The following KLRG1 variants were observed in gnomAD, a reference collection of about 807,000 sequenced individuals.
KLRG1 encodes the protein killer cell lectin-like receptor subfamily G member 1.
In KLRG1, 16 loss-of-function variants were observed where a neutral mutation model predicts 21.8. The observed-to-expected ratio is 0.73, with a 90% CI of 0.50 to 1.11. KLRG1 has a LOEUF of 1.11. KLRG1 is among the 50% of genes most tolerant of loss of function. The probability of loss-of-function intolerance (pLI) is 0.00; values close to 1 mark genes in which losing one functional copy is unlikely to be tolerated. For synonymous variants in KLRG1, 69 were observed against 75.9 expected (o/e 0.91, Z 0.47); for missense variants, 173 against 218.3 (o/e 0.79, Z 1.31).
the KLRG1 span, chr12:9,099,540 A>G: frequency 6.2e-7 from 1 of 1,601,588 alleles, no homozygotes; most frequent in South Asian, 1.1e-5. Context: ...CACAAAGAGA[A>G]TGAGAGGAAG....
chr12:9,112,129 A>G, the KLRG1 span: 10 of 1,610,960 alleles, frequency 6.2e-6, no homozygotes, highest in Admixed American at 5.0e-5. Context: ...TATACAGACA[A>G]TCATTTTATG....
At chr12:9,067,568 C>G in the KLRG1 span, 1 of 547,868 alleles carries the variant, frequency 1.8e-6, no homozygotes, top group South Asian at 1.9e-5. Flanking sequence ...GAAGCCTACT[C>G]AGACCGACAT....
chr12:9,193,490 T>C, the KLRG1 span, among the ~76,000 whole-genome samples: 1 of 151,968 alleles, frequency 6.6e-6, no homozygotes, highest in African/African-American at 2.4e-5. Flanking sequence ...AGTCACCTTT[T>C]AAATCCTAGG....
chr12:9,078,242 C>G, the KLRG1 span, among the ~76,000 whole-genome samples: 3 of 151,330 alleles, frequency 2.0e-5, no homozygotes, highest in Non-Finnish European at 4.4e-5. Flanking sequence ...GTCCCTGTGT[C>G]CGTGTGTTCT....
At chr12:8,998,155 C>G (rs1383662253) in intron 3 of KLRG1, among the ~76,000 whole-genome samples, 1 of 152,028 alleles carries the variant, frequency 6.6e-6, no homozygotes, top group Middle Eastern at 3.4e-3. Flanking sequence ...ATGGTGAAAC[C>G]CCATCTCTGC....
chr12:9,108,456 T>C, the KLRG1 span, among the ~76,000 whole-genome samples: 1 of 152,174 alleles, frequency 6.6e-6, no homozygotes, highest in Non-Finnish European at 1.5e-5. Context: ...TGGGATTGTG[T>C]CGTAAATATG....
chr12:9,102,952 C>G, the KLRG1 span, among the ~76,000 whole-genome samples: 2 of 152,112 alleles, frequency 1.3e-5, no homozygotes, highest in Admixed American at 1.3e-4. Flanking sequence ...TTTTCCATTA[C>G]CATGATTATG....
At chr12:9,202,444 C>T in the KLRG1 span, 20 of 1,611,912 alleles carry the variant, frequency 1.2e-5, no homozygotes, top group Middle Eastern at 1.7e-4. Flanking sequence ...CAGGAGGCTA[C>T]GGGGCTAGGA....
the KLRG1 span, chr12:9,192,676 C>T: frequency 8.5e-5 from 137 of 1,613,966 alleles, 1 homozygote; most frequent in Non-Finnish European, 1.1e-4. Context: ...GTGTGCTGAG[C>T]ACCCTGGTGG....
the KLRG1 span, chr12:9,072,921 G>T: frequency 6.8e-7 from 1 of 1,480,676 alleles, no homozygotes; most frequent in Non-Finnish European, 9.3e-7. Flanking sequence ...ATAAGGCTTT[G>T]AGGGCTGAGA....
chr12:9,079,868 AAAGTC>A, the KLRG1 span: 8 of 1,437,678 alleles, frequency 5.6e-6, no homozygotes, highest in African/African-American at 2.8e-5. Flanking sequence ...ATCATCTATC[AAAGTC>A]ATTAAGCAGA....
chr12:8,989,842 T>G, intron 1 of KLRG1, 125 bp downstream of exon 1: 1 of 628,664 alleles, frequency 1.6e-6, no homozygotes, highest in African/African-American at 1.8e-5. Context: ...GAAATACTTT[T>G]GGTTCAGTTT....
chr12:9,034,420 T>C, the KLRG1 span, among the ~76,000 whole-genome samples: 2 of 152,146 alleles, frequency 1.3e-5, no homozygotes, highest in Admixed American at 1.3e-4. Context: ...GCCTCTGTTA[T>C]TGATTTATGT....
chr12:9,051,799 A>G, the KLRG1 span, among the ~76,000 whole-genome samples: 1 of 152,154 alleles, frequency 6.6e-6, no homozygotes, highest in East Asian at 1.9e-4. Flanking sequence ...ACATTAAACC[A>G]TGTCTAACTC....
At chr12:9,106,509 T>G in the KLRG1 span, 4 of 1,597,294 alleles carry the variant, frequency 2.5e-6, no homozygotes, top group South Asian at 2.3e-5. Context: ...TCTTCTTGGA[T>G]CTGGGCCTCA....
At chr12:9,173,266 T>C in the KLRG1 span, among the ~76,000 whole-genome samples, 197 of 152,352 alleles carry the variant, frequency 1.3e-3, 1 homozygote, top group African/African-American at 4.6e-3. Flanking sequence ...AGAAGTTATT[T>C]GAAACTAATG....
At chr12:8,969,338 G>T (rs1946530483) in intron 1 of KLRG1, among the ~76,000 whole-genome samples, 1 of 152,186 alleles carries the variant, frequency 6.6e-6, no homozygotes, top group Admixed American at 6.5e-5. Context: ...TCTGGAAGTT[G>T]CCATTGGGTG....
chr12:9,029,486 G>C, the KLRG1 span, among the ~76,000 whole-genome samples: 2 of 152,116 alleles, frequency 1.3e-5, no homozygotes, highest in African/African-American at 4.8e-5. Flanking sequence ...AAAGTGCTGG[G>C]ATCCACGGCC....
At chr12:9,144,985 C>T in the KLRG1 span, among the ~76,000 whole-genome samples, 7 of 152,190 alleles carry the variant, frequency 4.6e-5, no homozygotes, top group Non-Finnish European at 1.0e-4. Flanking sequence ...ATACTCCTGC[C>T]CTGTCACCTA....
Sources: allele counts gnomAD v4.1 joint callset (sites outside exome capture counted in the v4.1 genomes callset), GRCh38; gene constraint gnomAD v4.1.1; transcripts MANE v1.5; gene names NCBI Gene and HGNC (gene_info 2026-07-23, HGNC 2026-07-21).